The following CXADR variants were observed in gnomAD, a reference collection of about 807,000 sequenced individuals.
CXADR encodes CXADR cell adhesion molecule.
Under a neutral mutation model 40.3 loss-of-function variants are expected in CXADR, and 20 were observed. The observed-to-expected ratio is 0.50, with a 90% CI of 0.35 to 0.72. The LOEUF is 0.72. Ranked by LOEUF, CXADR falls within the 30% of genes least tolerant of loss-of-function variation. CXADR has a pLI of 0.01. For synonymous variants in CXADR, 150 were observed against 161.3 expected, an observed-to-expected ratio of 0.93 and a Z score of 0.53; for missense variants, 332 against 449.1, an observed-to-expected ratio of 0.74 and a Z score of 2.36.
At chr21:17,624,215 C>G in the CXADR span, among the ~76,000 whole-genome samples, 5 of 152,168 alleles carry the variant, frequency 3.3e-5, no homozygotes, top group African/African-American at 1.2e-4. Flanking sequence ...TACTCACCTC[C>G]CATTTCAATC....
downstream of CXADR, among the ~76,000 whole-genome samples, chr21:17,597,676 TA>T (rs1285797502): frequency 1.3e-5 from 2 of 152,040 alleles, no homozygotes; most frequent in Non-Finnish European, 2.9e-5. Context: ...TAAATTATGA[TA>T]ATCTTCAGAA....
Position 17,586,305 on chromosome 21 carries a change from T to A in CXADR, c.1018-6847T>A, listed in dbSNP as rs1462354191. 4.6e-5 allele frequency among the ~76,000 whole-genome samples: 7 copies of A among 150,832 alleles called. No homozygotes were observed. The South Asian group carries it at 8.3e-4, about 18-fold the overall frequency. ...TTACACATTTTGTGAAAATTTAAAA[T>A]TTTTTCCCCATTCCAAATGGCCTGT... On this transcript the variant is annotated intron_variant, in intron 7 of 7. Transcript: ENST00000400169.
At chr21:17,514,865 C>CCG (rs926747779) in intron 1 of CXADR, among the ~76,000 whole-genome samples, 75 of 152,190 alleles carry the variant, frequency 4.9e-4, no homozygotes, top group African/African-American at 1.7e-3. Flanking sequence ...CTCAGGTGAT[C>CCG]CGCCTCCCTC....
chr21:17,624,102 C>A, the CXADR span, among the ~76,000 whole-genome samples: 2 of 152,080 alleles, frequency 1.3e-5, no homozygotes, highest in Non-Finnish European at 2.9e-5. Context: ...CAGTAAAAGA[C>A]AAAGGTCTCA....
At chr21:17,542,029 GT>G in intron 1 of CXADR, 1 of 364,324 alleles carries the variant, frequency 2.7e-6, no homozygotes, top group Non-Finnish European at 5.3e-6. Context: ...TTATTACTCT[GT>G]TTTTGCCAAA....
chr21:17,599,475 ATTT>A, the CXADR span, among the ~76,000 whole-genome samples: 3 of 117,226 alleles, frequency 2.6e-5, no homozygotes, highest in Admixed American at 1.8e-4. Context: ...CCACTGGCTG[ATTT>A]TTTTTTTTTT....
At chr21:17,610,840 A>T in the CXADR span, among the ~76,000 whole-genome samples, 10 of 152,252 alleles carry the variant, frequency 6.6e-5, 1 homozygote, top group Admixed American at 2.0e-4. Flanking sequence ...TTCTTTTCTC[A>T]AACTGCTCTT....
At chr21:17,613,274 C>A in the CXADR span, 2 of 152,222 alleles carry the variant, frequency 1.3e-5, no homozygotes, top group Non-Finnish European at 1.5e-5. Flanking sequence ...CTTTTTGTTT[C>A]CCCCTCAGGT....
At chr21:17,594,389 C>G (rs1003643532), downstream of CXADR, 18 of 1,533,180 alleles carry the variant, frequency 1.2e-5, no homozygotes, top group Non-Finnish European at 1.6e-5. Context: ...CATCTATGTT[C>G]CAGATTTCTC....
At chr21:17,600,725 G>T in the CXADR span, among the ~76,000 whole-genome samples, 2 of 152,128 alleles carry the variant, frequency 1.3e-5, no homozygotes. Flanking sequence ...AAATCTAGCA[G>T]TCTCAGAGAT....
intron 7 of CXADR, among the ~76,000 whole-genome samples, chr21:17,582,213 T>A (rs138981793): frequency 6.6e-6 from 1 of 152,324 alleles, no homozygotes; most frequent in East Asian, 1.9e-4. Context: ...GGTTTCACCA[T>A]GTAGGCCAGG....
the CXADR span, among the ~76,000 whole-genome samples, chr21:17,623,127 G>C: frequency 6.6e-6 from 1 of 151,958 alleles, no homozygotes; most frequent in Non-Finnish European, 1.5e-5. Context: ...TTTTTATAGA[G>C]ATGGGGTTTC....
intron 7 of CXADR, among the ~76,000 whole-genome samples, chr21:17,590,962 TAACAAGAA>T (rs1432145118): frequency 1.3e-5 from 2 of 152,064 alleles, no homozygotes; most frequent in African/African-American, 4.8e-5. Flanking sequence ...GAGTAGTTTG[TAACAAGAA>T]ACTTGGCCAA....
chr21:17,575,424 C>A (rs1216638835), intron 7 of CXADR, among the ~76,000 whole-genome samples: 1 of 151,666 alleles, frequency 6.6e-6, no homozygotes, highest in Non-Finnish European at 1.5e-5. Context: ...TCAAGTGATA[C>A]CCCTGCCACG....
the CXADR span, chr21:17,604,049 C>A: frequency 1.9e-6 from 2 of 1,076,156 alleles, no homozygotes; most frequent in Non-Finnish European, 2.4e-6. Context: ...AGATTTCATA[C>A]CTAGCACTGA....
downstream of CXADR, among the ~76,000 whole-genome samples, chr21:17,598,187 T>C (rs1259281420): frequency 6.6e-6 from 1 of 152,116 alleles, no homozygotes; most frequent in African/African-American, 2.4e-5. Flanking sequence ...ATGTTTCAGC[T>C]TGAGTAAAAT....
Position 17,544,438 on chromosome 21 carries a change from T to A in CXADR, c.44-2589T>A, listed in dbSNP as rs554294327. Among the ~76,000 whole-genome samples, 110 of 152,322 alleles carry A rather than the reference T, an allele frequency of 7.2e-4. 1 individual carries two copies. The highest frequency in any genetic ancestry group is 2.6e-3 in the African/African-American group (108 of 41,568). On this transcript the variant is annotated intron_variant, in intron 1 of 6. Transcript: ENST00000284878. ...CAAAACAACTCAAACTCTAGAGGCT[T>A]AAAACAAAAATCATGTATTCATGAT...
chr21:17,553,390 A>G (rs1211668354), intron 3 of CXADR, among the ~76,000 whole-genome samples: 1 of 152,182 alleles, frequency 6.6e-6, no homozygotes. Flanking sequence ...GCATCATTGA[A>G]TGGGGACCTG....
intron 1 of CXADR, among the ~76,000 whole-genome samples, chr21:17,518,280 C>A (rs531763082): frequency 3.9e-5 from 6 of 152,062 alleles, no homozygotes; most frequent in South Asian, 2.1e-4. Context: ...AACAAAAAAA[C>A]CAGGAATCAA....
Sources: gnomAD v4.1 joint callset for allele counts (sites outside exome capture counted in the v4.1 genomes callset) on GRCh38, gnomAD v4.1.1 for gene constraint, MANE v1.5 for transcripts, NCBI Gene and HGNC (gene_info 2026-07-23, HGNC 2026-07-21) for gene names.